ZNF385B: variants seen among roughly 807,000 people sequenced by gnomAD.
ZNF385B encodes zinc finger protein 385B, also known as zinc finger protein 533.
Under a neutral mutation model 39.2 loss-of-function variants are expected in ZNF385B, and 23 were observed. The observed-to-expected ratio is 0.59, with a 90% confidence interval of 0.42 to 0.83. The LOEUF (loss-of-function observed/expected upper bound fraction) is 0.83, where lower values mean the gene tolerates loss of function less well. ZNF385B is among the 40% of genes least tolerant of loss of function. The pLI, the probability that ZNF385B is intolerant of heterozygous loss-of-function variation, is 0.00. For synonymous variants in ZNF385B, 205 were observed against 222.6 expected (o/e 0.92, Z 0.70); for missense variants, 552 against 598.9 (o/e 0.92, Z 0.82).
chr2:179,830,023 A>C (rs1429955166), intron 1 of ZNF385B, among the ~76,000 whole-genome samples: 1 of 152,250 alleles, frequency 6.6e-6, no homozygotes, highest in Non-Finnish European at 1.5e-5. Flanking sequence ...TTCAACACTC[A>C]ACAAAAGAGC....
At chr2:179,756,114 G>A (rs1702996894) in intron 3 of ZNF385B, among the ~76,000 whole-genome samples, 1 of 151,836 alleles carries the variant, frequency 6.6e-6, no homozygotes, top group Non-Finnish European at 1.5e-5. Flanking sequence ...GTAGTGGCTG[G>A]TACCCGTTGT....
intron 3 of ZNF385B, among the ~76,000 whole-genome samples, chr2:179,725,458 T>C (rs1033817753): frequency 9.2e-5 from 14 of 151,892 alleles, no homozygotes; most frequent in African/African-American, 2.9e-4. Flanking sequence ...AATATATATA[T>C]ACACACATTT....
chr2:179,729,878 A>C (rs1052448390), intron 3 of ZNF385B, among the ~76,000 whole-genome samples: 1 of 152,114 alleles, frequency 6.6e-6, no homozygotes, highest in Admixed American at 6.6e-5. Flanking sequence ...CTTGCCTGCC[A>C]CCGTGTAAGA....
chr2:179,789,967 A>C (rs1298814383), intron 1 of ZNF385B, among the ~76,000 whole-genome samples: 1 of 152,208 alleles, frequency 6.6e-6, no homozygotes, highest in Non-Finnish European at 1.5e-5. Context: ...AGGTTAGAAA[A>C]AAGAAAAAAA....
At chr2:179,726,112 TC>T (rs1383849214) in intron 3 of ZNF385B, among the ~76,000 whole-genome samples, 1 of 151,952 alleles carries the variant, frequency 6.6e-6, no homozygotes, top group Non-Finnish European at 1.5e-5. Flanking sequence ...AAACTTTCTC[TC>T]CACAACAACC....
intron 3 of ZNF385B, among the ~76,000 whole-genome samples, chr2:179,740,110 C>T (rs1702001072): frequency 6.6e-6 from 1 of 152,054 alleles, no homozygotes; most frequent in Admixed American, 6.6e-5. Flanking sequence ...TGTAGCCTGC[C>T]CTCTCCCAGC....
intron 3 of ZNF385B, among the ~76,000 whole-genome samples, chr2:179,706,318 T>C (rs374048356): frequency 3.9e-5 from 6 of 152,224 alleles, no homozygotes; most frequent in African/African-American, 1.4e-4. Flanking sequence ...GCAGTTCTCC[T>C]GTCCAGCTCA....
chr2:179,608,327 C>T (rs988299764), intron 3 of ZNF385B, among the ~76,000 whole-genome samples: 1 of 152,120 alleles, frequency 6.6e-6, no homozygotes, highest in African/African-American at 2.4e-5. Context: ...AGAAACCATG[C>T]AGTGGTGTGA....
At chr2:179,511,620 T>C (rs1442984011) in intron 5 of ZNF385B, among the ~76,000 whole-genome samples, 2 of 152,188 alleles carry the variant, frequency 1.3e-5, no homozygotes, top group African/African-American at 2.4e-5. Context: ...TGAAATCTTA[T>C]AGAGATTTAT....
In ZNF385B at chr2:179,725,943, C is replaced by G. The variant is rs1339614042; in HGVS notation, c.298+43560G>C. Among the ~76,000 whole-genome samples, 12 of 144,370 alleles carry G rather than the reference C, an allele frequency of 8.3e-5. No individual in the cohort carries two copies. The East Asian group carries it at 2.1e-3, about 25-fold the overall frequency. 94.7% of individuals were successfully genotyped at this position (144,370 alleles called of 152,430 possible). On this transcript the variant is annotated intron_variant, in intron 3 of 9. Coordinates refer to ENST00000410066, the MANE Select transcript of ZNF385B (RefSeq NM_152520.6). The stretch of plus-strand genomic sequence containing the variant: ...ATATATATATATATATGTGTATATA[C>G]AGAGAGAGAGATAAATCTAGACAAT...
At chr2:179,788,851 C>A (rs1330353913) in intron 1 of ZNF385B, among the ~76,000 whole-genome samples, 2 of 152,088 alleles carry the variant, frequency 1.3e-5, no homozygotes, top group African/African-American at 2.4e-5. Flanking sequence ...TTTGTCATCA[C>A]CCCGCTGCAA....
chr2:179,712,383 A>C (rs1340948661), intron 3 of ZNF385B, among the ~76,000 whole-genome samples: 2 of 152,226 alleles, frequency 1.3e-5, no homozygotes, highest in Non-Finnish European at 2.9e-5. Flanking sequence ...TGCACGAAAC[A>C]GAATATGTTA....
chr2:179,562,868 T>C (rs1054381377), intron 3 of ZNF385B, among the ~76,000 whole-genome samples: 7 of 152,202 alleles, frequency 4.6e-5, no homozygotes, highest in Non-Finnish European at 1.0e-4. Context: ...TGTCAAGGGA[T>C]TATTCCCCCT....
At chr2:179,688,124 A>G (rs950898465) in intron 3 of ZNF385B, among the ~76,000 whole-genome samples, 3 of 152,104 alleles carry the variant, frequency 2.0e-5, no homozygotes, top group African/African-American at 7.2e-5. Flanking sequence ...CAAGTTCTCC[A>G]GGACTTCTGT....
At chr2:179,588,440 A>G (rs1220459059) in intron 3 of ZNF385B, among the ~76,000 whole-genome samples, 3 of 152,136 alleles carry the variant, frequency 2.0e-5, no homozygotes, top group Admixed American at 1.3e-4. Context: ...TGAATAGGGA[A>G]GATTATTTTA....
chr2:179,503,457 T>C (rs1380757323), intron 5 of ZNF385B, among the ~76,000 whole-genome samples: 1 of 152,264 alleles, frequency 6.6e-6, no homozygotes, highest in African/African-American at 2.4e-5. Context: ...ATTCAATGTT[T>C]AAATCTCTAG....
At chr2:179,744,162 A>G (rs997959619) in intron 3 of ZNF385B, among the ~76,000 whole-genome samples, 1 of 152,150 alleles carries the variant, frequency 6.6e-6, no homozygotes, top group Non-Finnish European at 1.5e-5. Flanking sequence ...CAAAGGACAA[A>G]GTGGCAGATA....
chr2:179,844,940 A>G (rs1304187085), intron 1 of ZNF385B, among the ~76,000 whole-genome samples: 4 of 152,150 alleles, frequency 2.6e-5, no homozygotes, highest in African/African-American at 9.7e-5. Context: ...TATTTATCCC[A>G]TTGTCTTTCT....
intron 3 of ZNF385B, among the ~76,000 whole-genome samples, chr2:179,763,090 A>C (rs1219984144): frequency 3.9e-5 from 6 of 152,150 alleles, no homozygotes; most frequent in Non-Finnish European, 8.8e-5. Flanking sequence ...TTTTTAATAG[A>C]GGTGGAGTTT....
Sources: gnomAD v4.1 joint callset for allele counts (sites outside exome capture counted in the v4.1 genomes callset) on GRCh38, gnomAD v4.1.1 for gene constraint, MANE v1.5 for transcripts, NCBI Gene and HGNC (gene_info 2026-07-23, HGNC 2026-07-21) for gene names.